SLA2: variants seen among roughly 807,000 people sequenced by gnomAD.
SLA2 encodes src-like-adapter 2.
In SLA2, 22 loss-of-function variants were observed where a neutral mutation model predicts 27.3. That is an observed-to-expected ratio of 0.81 (90% CI 0.58 to 1.15). SLA2 has a LOEUF of 1.15. SLA2 is among the 50% of genes most tolerant of loss of function. The probability of loss-of-function intolerance (pLI) is 0.00; values close to 1 mark genes in which losing one functional copy is unlikely to be tolerated. For synonymous variants in SLA2, 131 were observed against 137.8 expected (o/e 0.95, Z 0.34); for missense variants, 304 against 322.2 (o/e 0.94, Z 0.43).
At chr20:36,644,976 G>A (rs964308627) in intron 1 of SLA2, among the ~76,000 whole-genome samples, 60 of 148,054 alleles carry the variant, frequency 4.1e-4, no homozygotes, top group Non-Finnish European at 6.4e-4. Context: ...TAGCCCATTC[G>A]TGCAGGACTG....
chr20:36,615,122 C>G, intron 6 of SLA2, 103 bp downstream of exon 6: 2 of 1,545,600 alleles, frequency 1.3e-6, no homozygotes, highest in East Asian at 2.3e-5. Flanking sequence ...GCTCTTCTGT[C>G]TGTCTGAATA....
At chr20:36,641,101 G>C in intron 2 of SLA2, 144 bp downstream of exon 2, 1 of 653,816 alleles carries the variant, frequency 1.5e-6, no homozygotes, top group Non-Finnish European at 2.7e-6. Context: ...CCTGCTGTAT[G>C]GCTCAGTAGG....
rs760697136 is a variant in SLA2, at chr20:36,613,853, C to T, written c.*13G>A. 1.3e-6 allele frequency: 2 copies of T among 1,579,246 alleles called. No homozygotes were observed. The highest frequency in any genetic ancestry group is 2.3e-5 in the East Asian group (1 of 42,564). On this transcript the variant is annotated 3_prime_UTR_variant, in exon 8 of 8. Transcript: ENST00000262866. ...GTGCAGCCTTGGTTTCCCTTTTGGC[C>T]TCTCCTTTGGGCCTAGGCATCATCC... is the stretch of plus-strand genomic sequence containing the variant.
At chr20:36,634,178 G>A (rs1043468619) in intron 3 of SLA2, among the ~76,000 whole-genome samples, 18 of 151,960 alleles carry the variant, frequency 1.2e-4, no homozygotes, top group Non-Finnish European at 2.1e-4. Flanking sequence ...AGTAGAGACG[G>A]TTTCACCGTG....
intron 5 of SLA2, chr20:36,621,293 G>A: frequency 5.0e-6 from 3 of 602,612 alleles, no homozygotes; most frequent in Admixed American, 3.8e-5. Context: ...AGCAATTATA[G>A]TGGACAACAG....
chr20:36,614,929 G>T (rs188370908), intron 6 of SLA2: 6 of 985,244 alleles, frequency 6.1e-6, no homozygotes, highest in Non-Finnish European at 4.8e-6. Context: ...CTCTGTGCCC[G>T]GTTCCTGTGG....
intron 1 of SLA2, among the ~76,000 whole-genome samples, chr20:36,641,675 G>T (rs2147998028): frequency 6.6e-6 from 1 of 152,138 alleles, no homozygotes; most frequent in South Asian, 2.1e-4. Flanking sequence ...GTCCTGTTTG[G>T]ATCCCATTCT....
intron 5 of SLA2, among the ~76,000 whole-genome samples, chr20:36,617,627 G>T (rs1359538498): frequency 6.6e-6 from 1 of 152,110 alleles, no homozygotes. Context: ...GGAGGCCAAG[G>T]CAGGCGGATC....
rs35436767 is a variant in SLA2, at chr20:36,618,906, CAAAAAAAAAAAAAAA to C, written c.383-3547_383-3533del. ...TAGGGAACAAGAGTGAACTCCATCT[CAAAAAAAAAAAAAAA>C]AAAAAAAAAAAAAGTATCTAGAAGC... On this transcript the variant is annotated intron_variant, in intron 5 of 7. Transcript: ENST00000262866. 6.2e-4 allele frequency among the ~76,000 whole-genome samples: 25 copies of C among 40,366 alleles called. 1 individual carries two copies. The South Asian group carries it at 0.024, about 39-fold the overall frequency. 26.5% of individuals were successfully genotyped at this position (40,366 alleles called of 152,430 possible).
At chr20:36,634,456 T>A (rs368866607) in intron 3 of SLA2, 34 bp downstream of exon 3, 1 of 1,470,166 alleles carries the variant, frequency 6.8e-7, no homozygotes, top group Non-Finnish European at 9.4e-7. Flanking sequence ...GCTCTATTAG[T>A]GCATATTCAG....
chr20:36,635,942 G>A (rs531668739), intron 2 of SLA2, among the ~76,000 whole-genome samples: 1 of 152,182 alleles, frequency 6.6e-6, no homozygotes, highest in East Asian at 1.9e-4. Flanking sequence ...AACCACCTCT[G>A]CACACACTCT....
rs545582474 is a variant in SLA2 at position 36,629,466 on chromosome 20, T to C, written c.382+3129A>G. Among the ~76,000 whole-genome samples, 74 of 96,674 alleles carry C rather than the reference T, an allele frequency of 7.7e-4. No homozygotes were observed. The South Asian group carries it at 0.024, about 32-fold the overall frequency. The allele number at this position is 96,674 out of a possible 152,430, so 63.4% of individuals were successfully genotyped here. A position where few individuals can be genotyped will look rare whatever the true frequency, so the allele number is the denominator to read the frequency against. The stretch of plus-strand genomic sequence containing the variant: ...GGCCAACATGGCAAAACCCCGTTTC[T>C]ACTAAAAATACAAAAAAAAAAAAAT... On this transcript the variant is annotated intron_variant, in intron 5 of 7. Coordinates refer to ENST00000262866, the MANE Select transcript of SLA2 (RefSeq NM_032214.4).
Position 36,622,210 on chromosome 20 carries a change from C to CAAAAAAA in SLA2, c.383-6843_383-6837dup, listed in dbSNP as rs549536610. On this transcript the variant is annotated intron_variant, in intron 5 of 7. Coordinates refer to ENST00000262866, the MANE Select transcript of SLA2 (RefSeq NM_032214.4). Reference sequence around the variant, plus strand: ...TGGGTGACAGAGCAAGACTTGATCTCAAAAAAAAAAAAAAAAATTAGCTGG... The same window carrying CAAAAAAA: ...TGGGTGACAGAGCAAGACTTGATCTCAAAAAAAAAAAAAAAAAAAAAAAATTAGCTGG... 5.9e-4 allele frequency among the ~76,000 whole-genome samples: 60 copies of CAAAAAAA among 100,970 alleles called. 2 individuals are homozygous for CAAAAAAA. Among genetic ancestry groups the CAAAAAAA allele is most frequent in the African/African-American group, 2.3e-3 (60 of 26,496 alleles). 66.2% of individuals were successfully genotyped at this position (100,970 alleles called of 152,430 possible).
rs1258274267 is a variant in SLA2 at position 36,616,316 on chromosome 20, TTTTTA to T, written c.383-947_383-943del. ...GCATGTTTCATTTTTTCATTTTTTT[TTTTTA>T]TTTTAATTTTCTTTTTTTTTTTTTT... is the stretch of plus-strand genomic sequence containing the variant. On this transcript the variant is annotated intron_variant, in intron 5 of 7. Coordinates refer to ENST00000262866, the MANE Select transcript of SLA2 (RefSeq NM_032214.4). 6.6e-5 allele frequency among the ~76,000 whole-genome samples: 10 copies of T among 152,054 alleles called. No homozygotes were observed. In the South Asian group the frequency reaches 1.5e-3, roughly 22 times the overall value.
intron 1 of SLA2, among the ~76,000 whole-genome samples, chr20:36,644,823 G>T (rs1361520462): frequency 1.4e-5 from 2 of 147,876 alleles, no homozygotes; most frequent in African/African-American, 5.0e-5. Context: ...AAAGGAAAAA[G>T]TTAGTCAACG....
At chr20:36,621,124 C>A in intron 5 of SLA2, 1 of 384,994 alleles carries the variant, frequency 2.6e-6, no homozygotes, top group Non-Finnish European at 5.2e-6. Flanking sequence ...TGATGGTGAG[C>A]CTGCTTATAG....
Position 36,615,373 on chromosome 20 carries a change from G to T in SLA2, c.384C>A (p.Gly128=). Reference sequence around the variant, plus strand: ...TGAGGCGGACTGACAGAGAGTAAGAGCCTGAGGAGAAAGGGGTCCAGGGGT... The same window carrying T: ...TGAGGCGGACTGACAGAGAGTAAGATCCTGAGGAGAAAGGGGTCCAGGGGT... The part of the protein sequence containing the change: ...FLIRESQTRR[G]SYSLSVRLSR... The change falls in exon 6 of 8, where the codon GGC becomes GGA. Residue 128 remains glycine (G), a splice_region_variant and synonymous_variant. Transcript: ENST00000262866. 1 of 1,613,672 alleles carries T rather than the reference G, an allele frequency of 6.2e-7. No homozygotes were observed. The highest frequency in any genetic ancestry group is 8.5e-7 in the Non-Finnish European group (1 of 1,180,014).
At chr20:36,622,865 T>C (rs1346246330) in intron 5 of SLA2, among the ~76,000 whole-genome samples, 2 of 152,200 alleles carry the variant, frequency 1.3e-5, no homozygotes, top group Non-Finnish European at 2.9e-5. Flanking sequence ...CTTTTTGCAA[T>C]GTAAGGTAAC....
intron 5 of SLA2, among the ~76,000 whole-genome samples, chr20:36,617,731 C>A (rs1200851618): frequency 5.3e-5 from 8 of 151,744 alleles, no homozygotes. Context: ...GTGGCGTGCG[C>A]CTGTAATCCC....
Sources: allele counts gnomAD v4.1 joint callset (sites outside exome capture counted in the v4.1 genomes callset), GRCh38; gene constraint gnomAD v4.1.1; transcripts MANE v1.5; gene names NCBI Gene and HGNC (gene_info 2026-07-23, HGNC 2026-07-21).